TMEM14B: variants seen among roughly 807,000 people sequenced by gnomAD.
TMEM14B encodes transmembrane protein 14B.
A neutral mutation model predicts 14.8 loss-of-function variants in TMEM14B; 9 were observed. That is an observed-to-expected ratio of 0.61 (90% CI 0.37 to 1.06). TMEM14B has a LOEUF of 1.06. Among genes scored for constraint, TMEM14B ranks in the 50% least tolerant of loss-of-function variants. The pLI is 0.01. For missense variants in TMEM14B, 128 were observed against 143.6 expected, an observed-to-expected ratio of 0.89 and a Z score of 0.56; for synonymous variants, 40 against 51.3, an observed-to-expected ratio of 0.78 and a Z score of 0.94.
At chr6:10,749,080 C>A (rs1211171045) in intron 1 of TMEM14B, 122 bp from the exon 2 acceptor site, 5 of 635,580 alleles carry the variant, frequency 7.9e-6, no homozygotes, top group Non-Finnish European at 1.4e-5. Flanking sequence ...CCAGTGTTAT[C>A]CTCATGGTAC....
At chr6:10,756,408 A>C in intron 5 of TMEM14B, 59 bp from the exon 6 acceptor site, 1 of 1,597,306 alleles carries the variant, frequency 6.3e-7, no homozygotes, top group South Asian at 1.1e-5. Flanking sequence ...GTTCCTTAAA[A>C]ACATAGTTGC....
At chr6:10,753,827 C>T (rs1022832715) in intron 4 of TMEM14B, among the ~76,000 whole-genome samples, 1 of 151,056 alleles carries the variant, frequency 6.6e-6, no homozygotes, top group African/African-American at 2.5e-5. Flanking sequence ...CCTGAGTTGT[C>T]CTCTTTTTCA....
At chr6:10,758,070 A>G (rs748316139), downstream of TMEM14B, among the ~76,000 whole-genome samples, 7 of 151,890 alleles carry the variant, frequency 4.6e-5, no homozygotes, top group South Asian at 4.2e-4. Flanking sequence ...CAGACACTTT[A>G]TGTATTTGCA....
At chr6:10,748,308 T>C (rs966759841) in intron 1 of TMEM14B, among the ~76,000 whole-genome samples, 3 of 152,154 alleles carry the variant, frequency 2.0e-5, no homozygotes, top group African/African-American at 7.2e-5. Context: ...TGCAGTAGCC[T>C]GAATATGTCT....
At chr6:10,751,365 C>A in intron 4 of TMEM14B, 131 bp downstream of exon 4, 1 of 1,000,486 alleles carries the variant, frequency 1.0e-6, no homozygotes, top group Non-Finnish European at 1.5e-6. Context: ...TTCTCCAAGT[C>A]CAAGTCCTCA....
At chr6:10,749,751 A>G (rs1771476035) in intron 3 of TMEM14B, 53 bp downstream of exon 3, 1 of 1,601,644 alleles carries the variant, frequency 6.2e-7, no homozygotes, top group African/African-American at 1.3e-5. Flanking sequence ...GTTCCAGTGA[A>G]ATGTGAGTGC....
chr6:10,755,266 AG>A lies in TMEM14B; in HGVS notation c.293+35del, dbSNP rs568895601. 115 of 1,613,816 alleles carry A rather than the reference AG, an allele frequency of 7.1e-5. No homozygotes were observed. The African/African-American group carries it at 1.4e-3, about 19-fold the overall frequency. ...ATTCTATTACTCTTCTTTACCATGTAGAGTTCAGTTTATTGCCCAGAATACT... is the reference window on the plus strand; with the variant it reads ...ATTCTATTACTCTTCTTTACCATGTAAGTTCAGTTTATTGCCCAGAATACT... On this transcript the variant is annotated intron_variant, in intron 5 of 5. Transcript: ENST00000379542.
At chr6:10,758,623 T>TAA (rs1554160853), downstream of TMEM14B, among the ~76,000 whole-genome samples, 1 of 152,114 alleles carries the variant, frequency 6.6e-6, no homozygotes, top group African/African-American at 2.4e-5. Flanking sequence ...AGTATAGAAA[T>TAA]AAGTGTATGA....
chr6:10,759,163 T>C (rs2127497761), downstream of TMEM14B: 3 of 153,300 alleles, frequency 2.0e-5, no homozygotes, highest in Non-Finnish European at 4.4e-5. Flanking sequence ...GTGATCCACC[T>C]GTCTTGCCTC....
intron 1 of TMEM14B, among the ~76,000 whole-genome samples, chr6:10,748,478 CCT>C (rs1193451727): frequency 2.6e-5 from 4 of 152,238 alleles, no homozygotes; most frequent in Admixed American, 6.5e-5. Flanking sequence ...TTCTCGAACT[CCT>C]AACCTCAGGT....
At chr6:10,751,981 G>A (rs556317264) in intron 4 of TMEM14B, among the ~76,000 whole-genome samples, 7 of 151,944 alleles carry the variant, frequency 4.6e-5, no homozygotes, top group Admixed American at 2.0e-4. Context: ...TACAAACCCC[G>A]TGTGAGAATG....
At chr6:10,748,169 A>T (rs1012588759) in intron 1 of TMEM14B, among the ~76,000 whole-genome samples, 1 of 151,852 alleles carries the variant, frequency 6.6e-6, no homozygotes, top group Admixed American at 6.6e-5. Context: ...TCCCTTACTC[A>T]GTGCCGCCTC....
intron 3 of TMEM14B, 155 bp downstream of exon 3, chr6:10,749,853 G>A: frequency 1.2e-6 from 1 of 845,528 alleles, no homozygotes. Context: ...TGCAGCTCCT[G>A]CCCTTGCCTT....
chr6:10,749,073 GT>G, intron 1 of TMEM14B, 128 bp from the exon 2 acceptor site: 1 of 617,846 alleles, frequency 1.6e-6, no homozygotes, highest in Non-Finnish European at 2.9e-6. Flanking sequence ...ATTGGTACCA[GT>G]GTTATCCTCA....
intron 5 of TMEM14B, 87 bp from the exon 6 acceptor site, chr6:10,756,380 A>G (rs1459773106): frequency 1.3e-6 from 2 of 1,486,760 alleles, no homozygotes; most frequent in Admixed American, 3.7e-5. Flanking sequence ...CACAGTTGTG[A>G]GGAACCTGCA....
At chr6:10,753,696 C>G (rs1397621257) in intron 4 of TMEM14B, among the ~76,000 whole-genome samples, 1 of 152,032 alleles carries the variant, frequency 6.6e-6, no homozygotes, top group East Asian at 1.9e-4. Flanking sequence ...CTCATGGCCA[C>G]ACACTCCCCC....
At chr6:10,758,084 G>A (rs1447272408), downstream of TMEM14B, among the ~76,000 whole-genome samples, 3 of 151,964 alleles carry the variant, frequency 2.0e-5, no homozygotes, top group South Asian at 4.1e-4. Flanking sequence ...ATTTGCATAA[G>A]CCCCTGGATG....
chr6:10,758,261 A>G (rs1581618038), downstream of TMEM14B, among the ~76,000 whole-genome samples: 3 of 152,118 alleles, frequency 2.0e-5, no homozygotes, highest in East Asian at 5.8e-4. Flanking sequence ...TTCATGTGTC[A>G]TGGAGTGTTT....
At chr6:10,751,321 G>C in intron 4 of TMEM14B, 87 bp downstream of exon 4, 2 of 1,441,252 alleles carry the variant, frequency 1.4e-6, no homozygotes. Context: ...GATGGAGCGA[G>C]TTCTTCCCAC....
Sources: allele counts gnomAD v4.1 joint callset (sites outside exome capture counted in the v4.1 genomes callset), GRCh38; gene constraint gnomAD v4.1.1; transcripts MANE v1.5; gene names NCBI Gene and HGNC (gene_info 2026-07-23, HGNC 2026-07-21).